FRYL: variants seen among roughly 807,000 people sequenced by gnomAD.
FRYL encodes FRY like transcription coactivator.
A neutral mutation model predicts 351.2 loss-of-function variants in FRYL; 150 were observed. The ratio of observed to expected loss-of-function variants is 0.43; its 90% CI spans 0.37 to 0.49. The LOEUF (loss-of-function observed/expected upper bound fraction) is 0.49. Ranked by LOEUF, FRYL falls within the 20% of genes least tolerant of loss-of-function variation. FRYL has a pLI of 0.00. For synonymous variants in FRYL, 1,153 were observed against 1,257.1 expected (o/e 0.92, Z 1.75); for missense variants, 3,036 against 3,619.3 (o/e 0.84, Z 4.13).
intron 1 of FRYL, among the ~76,000 whole-genome samples, chr4:48,779,480 G>C (rs1205614300): frequency 6.6e-6 from 1 of 152,138 alleles, no homozygotes; most frequent in Non-Finnish European, 1.5e-5. Flanking sequence ...CAAGGGAAAA[G>C]GCGGACAATG....
At chr4:48,650,020 T>C (rs537492946) in intron 3 of FRYL, among the ~76,000 whole-genome samples, 81 of 152,266 alleles carry the variant, frequency 5.3e-4, no homozygotes, top group East Asian at 1.5e-3. Context: ...ATTTGAAATA[T>C]ATAATTTATT....
At chr4:48,606,202 G>A (rs1050685490) in intron 10 of FRYL, among the ~76,000 whole-genome samples, 2 of 151,770 alleles carry the variant, frequency 1.3e-5, no homozygotes, top group South Asian at 2.1e-4. Context: ...CAATCAGGAA[G>A]GTGGAGGTTG....
At chr4:48,651,934 T>C (rs1757782889) in intron 3 of FRYL, among the ~76,000 whole-genome samples, 2 of 152,218 alleles carry the variant, frequency 1.3e-5, no homozygotes, top group African/African-American at 4.8e-5. Flanking sequence ...TTCTTTCCAG[T>C]AATAACCTAT....
chr4:48,523,722 T>C (rs917439709), intron 53 of FRYL, among the ~76,000 whole-genome samples: 1 of 152,196 alleles, frequency 6.6e-6, no homozygotes, highest in African/African-American at 2.4e-5. Flanking sequence ...AACATTTCTA[T>C]GATACACTTT....
intron 16 of FRYL, among the ~76,000 whole-genome samples, chr4:48,592,419 T>G (rs535808925): frequency 6.6e-6 from 1 of 151,894 alleles, no homozygotes; most frequent in Non-Finnish European, 1.5e-5. Flanking sequence ...AGATCCAAGA[T>G]AATCCTAACA....
intron 4 of FRYL, among the ~76,000 whole-genome samples, chr4:48,626,035 G>C (rs542536358): frequency 4.1e-4 from 62 of 151,998 alleles, no homozygotes; most frequent in Non-Finnish European, 7.4e-4. Context: ...TTAAACTCAA[G>C]GGTTGCTGCT....
Position 48,497,768 on chromosome 4 carries a change from G to A in FRYL, c.*1654C>T, listed in dbSNP as rs1718742671. 1 of 152,500 alleles carries A rather than the reference G, an allele frequency of 6.6e-6. No homozygotes were observed. Among genetic ancestry groups the A allele is most frequent in the African/African-American group, 2.4e-5 (1 of 41,396 alleles). 9.4% of individuals were successfully genotyped at this position (152,500 alleles called of 1,614,324 possible). A position where few individuals can be genotyped will look rare whatever the true frequency, so the allele number is the denominator to read the frequency against. On this transcript the variant is annotated 3_prime_UTR_variant, in exon 64 of 64. Transcript: ENST00000358350. ...CATCAAAATAATTGTCTTTATCAGG[G>A]TCAAAAAATACAGTGATTATGAATG...
intron 4 of FRYL, among the ~76,000 whole-genome samples, chr4:48,631,046 T>C (rs1273779390): frequency 6.6e-6 from 1 of 152,208 alleles, no homozygotes; most frequent in African/African-American, 2.4e-5. Context: ...ATTAAATGTA[T>C]TTTCATTATC....
chr4:48,742,639 A>AATT (rs1772219920), intron 1 of FRYL, among the ~76,000 whole-genome samples: 1 of 152,172 alleles, frequency 6.6e-6, no homozygotes, highest in Admixed American at 6.5e-5. Context: ...AGCACAATCC[A>AATT]ATTCAGGCAT....
At position 48,671,874 on chromosome 4, in the gene FRYL, A is replaced by C. The variant is rs1762791988; in HGVS notation, c.-81+12799T>G. 3.5e-4 allele frequency among the ~76,000 whole-genome samples: 8 copies of C among 23,044 alleles called. No individual in the cohort carries two copies. In the East Asian group the frequency reaches 4.2e-3, roughly 12 times the overall value. The allele number at this position is 23,044 out of a possible 152,430, so 15.1% of individuals were successfully genotyped here. On this transcript the variant is annotated intron_variant, in intron 3 of 63. Coordinates refer to ENST00000358350, the MANE Select transcript of FRYL (RefSeq NM_015030.2). ...TCTCAAAAACAAAAAAAAAAAAAAC[A>C]AAAAAAAAAAAAAAAAAGAAGGAAA...
intron 62 of FRYL, among the ~76,000 whole-genome samples, chr4:48,500,607 C>T (rs1025472555): frequency 2.0e-5 from 3 of 151,916 alleles, no homozygotes; most frequent in African/African-American, 4.8e-5. Context: ...AAAATAAATA[C>T]ATGTATATTT....
chr4:48,743,954 C>T (rs1772396135), intron 1 of FRYL, among the ~76,000 whole-genome samples: 2 of 152,176 alleles, frequency 1.3e-5, no homozygotes, highest in Non-Finnish European at 2.9e-5. Context: ...TGTCTTCCCA[C>T]CACCCCCATA....
At chr4:48,608,814 G>T (rs1747401440) in intron 9 of FRYL, among the ~76,000 whole-genome samples, 173 bp downstream of exon 9, 1 of 152,164 alleles carries the variant, frequency 6.6e-6, no homozygotes, top group Non-Finnish European at 1.5e-5. Flanking sequence ...TGAAATTGAG[G>T]TATGAGTGTT....
At chr4:48,687,533 C>G (rs973544997) in intron 2 of FRYL, among the ~76,000 whole-genome samples, 6 of 149,432 alleles carry the variant, frequency 4.0e-5, no homozygotes, top group African/African-American at 7.4e-5. Flanking sequence ...CGGAAAGCCT[C>G]GCTTCACTTC....
chr4:48,678,120 C>T (rs1192294640), intron 3 of FRYL, among the ~76,000 whole-genome samples: 1 of 152,060 alleles, frequency 6.6e-6, no homozygotes, highest in East Asian at 1.9e-4. Flanking sequence ...TGGCCGGGTG[C>T]GGTGGCTCAT....
Position 48,593,967 on chromosome 4 carries a change from A to T in FRYL, c.1298T>A (p.Val433Asp). ...GGTGAAAGTTTTAGTAGATTTTCCA[A>T]CACTGAGAAGATCAAATATTATTTC... is the stretch of plus-strand genomic sequence containing the variant. Reference protein sequence around the residue: ...MKEIIFDLLSVGKSTKTFTIN... With the variant: ...MKEIIFDLLSDGKSTKTFTIN... The change falls in exon 16 of 64, where the codon GTT becomes GAT. Residue 433 changes from valine to aspartate, a missense_variant. Physicochemically the swap from Val to Asp is radical, Grantham distance 152. Coordinates refer to ENST00000358350, the MANE Select transcript of FRYL (RefSeq NM_015030.2). 1 of 1,485,100 alleles carries T rather than the reference A, an allele frequency of 6.7e-7. No individual in the cohort carries two copies. The allele number at this position is 1,485,100 out of a possible 1,614,324, so 92.0% of individuals were successfully genotyped here.
intron 3 of FRYL, among the ~76,000 whole-genome samples, chr4:48,646,925 T>A (rs557676932): frequency 2.0e-5 from 3 of 151,956 alleles, no homozygotes; most frequent in African/African-American, 7.3e-5. Flanking sequence ...TGGCAAACAG[T>A]TGAATAATGC....
At chr4:48,675,940 G>C (rs1054422338) in intron 3 of FRYL, among the ~76,000 whole-genome samples, 1 of 152,210 alleles carries the variant, frequency 6.6e-6, no homozygotes. Context: ...GTTTGTGAGT[G>C]CACCAATCAA....
At chr4:48,547,828 C>A (rs2148970463) in intron 40 of FRYL, 59 bp from the exon 41 acceptor site, 2 of 1,123,482 alleles carry the variant, frequency 1.8e-6, no homozygotes, top group East Asian at 5.3e-5. Context: ...ATTCTTACTA[C>A]CAAACTCACA....
Sources: gnomAD v4.1 joint callset for allele counts (sites outside exome capture counted in the v4.1 genomes callset) on GRCh38, gnomAD v4.1.1 for gene constraint, MANE v1.5 for transcripts, NCBI Gene and HGNC (gene_info 2026-07-23, HGNC 2026-07-21) for gene names.